The following ADAMTSL1 variants were observed in gnomAD, a reference collection of about 807,000 sequenced individuals.
ADAMTSL1 encodes the protein ADAMTS-like protein 1.
ADAMTSL1 carries 126 observed loss-of-function variants against 201.8 expected under a neutral mutation model. That is an observed-to-expected ratio of 0.62 (90% CI 0.54 to 0.72). The LOEUF (loss-of-function observed/expected upper bound fraction) is 0.72, where lower values mean the gene tolerates loss of function less well. ADAMTSL1 is among the 30% of genes least tolerant of loss of function. The probability of loss-of-function intolerance (pLI) is 0.00; values close to 1 mark genes in which losing one functional copy is unlikely to be tolerated. For synonymous variants in ADAMTSL1, 1,121 were observed against 903.4 expected (o/e 1.24, Z -4.32); for missense variants, 2,679 against 2,277.8 (o/e 1.18, Z -3.59).
chr9:17,980,387 T>A (rs1818639010), intron 1 of ADAMTSL1, among the ~76,000 whole-genome samples: 1 of 152,190 alleles, frequency 6.6e-6, no homozygotes. Flanking sequence ...TTGGTCTGTT[T>A]TTTTTTCTTT....
rs1328821845 is a variant in ADAMTSL1, at chr9:18,030,063, T to C, written c.87+123141T>C. Among the ~76,000 whole-genome samples, 8 of 152,098 alleles carry C rather than the reference T, an allele frequency of 5.3e-5. No individual in the cohort carries two copies. The East Asian group carries it at 5.8e-4, about 11-fold the overall frequency. On this transcript the variant is annotated intron_variant, in intron 1 of 29. Coordinates refer to the ADAMTSL1 transcript ENST00000680146. ...CATTACTGGGTATATACCCAAAGGATTATAAATCCTGCTGCTATAAAGACA... is the reference window on the plus strand; with the variant it reads ...CATTACTGGGTATATACCCAAAGGACTATAAATCCTGCTGCTATAAAGACA...
chr9:18,594,151 C>T (rs1277191897), intron 4 of ADAMTSL1, among the ~76,000 whole-genome samples: 3 of 151,992 alleles, frequency 2.0e-5, no homozygotes, highest in Non-Finnish European at 2.9e-5. Context: ...TTTTTGTTGA[C>T]ATTTTTTTTT....
chr9:18,586,466 A>G (rs569289634), intron 4 of ADAMTSL1, among the ~76,000 whole-genome samples: 2 of 152,330 alleles, frequency 1.3e-5, no homozygotes, highest in South Asian at 2.1e-4. Context: ...ATGAAAAAAC[A>G]TTCCATGCTC....
intron 2 of ADAMTSL1, among the ~76,000 whole-genome samples, chr9:18,421,269 G>A (rs888850022): frequency 6.6e-6 from 1 of 152,066 alleles, no homozygotes; most frequent in Non-Finnish European, 1.5e-5. Context: ...ATATAGTATT[G>A]CATTTGAGTA....
chr9:18,184,952 C>T (rs1828666905), intron 2 of ADAMTSL1, among the ~76,000 whole-genome samples: 1 of 152,152 alleles, frequency 6.6e-6, no homozygotes, highest in Admixed American at 6.6e-5. Flanking sequence ...GCATTTCATA[C>T]TAAGCAGGTT....
intron 1 of ADAMTSL1, among the ~76,000 whole-genome samples, chr9:18,083,834 T>C (rs1353349259): frequency 3.3e-5 from 5 of 152,208 alleles, no homozygotes; most frequent in Admixed American, 2.6e-4. Context: ...TTGCTCTAGC[T>C]CTAAACATTA....
At chr9:18,078,629 A>G (rs1823333912) in intron 1 of ADAMTSL1, among the ~76,000 whole-genome samples, 1 of 152,056 alleles carries the variant, frequency 6.6e-6, no homozygotes. Flanking sequence ...CTTTCTCGTG[A>G]GTATTTTTGT....
rs761035900 is a variant in ADAMTSL1, at chr9:18,889,664, C to A, written c.4559C>A (p.Thr1520Lys). The change falls in exon 25 of 29, where the codon ACG becomes AAG. Residue 1520 changes from threonine to lysine, a missense_variant. By Grantham distance (78) the Thr-to-Lys change is moderately conservative. Coordinates refer to ENST00000380548, the MANE Select transcript of ADAMTSL1 (RefSeq NM_001040272.6). ...CGCTTGAGGTGCCTGCTGAACAGCA[C>A]GGAGGTCAACCCTGCCCACTGCGCA... ...QPRLRCLLNSTEVNPAHCAGK... is the reference protein window; with the variant it reads ...QPRLRCLLNSKEVNPAHCAGK... The A allele has an allele frequency of 9.3e-6, 15 of 1,610,620 alleles. No individual in the cohort carries two copies. The South Asian group carries it at 1.7e-4, about 18-fold the overall frequency.
At chr9:18,688,204 A>G (rs1245815736) in intron 13 of ADAMTSL1, among the ~76,000 whole-genome samples, 1 of 151,126 alleles carries the variant, frequency 6.6e-6, no homozygotes, top group African/African-American at 2.4e-5. Flanking sequence ...GCTCACTGCA[A>G]TCTCTACCTC....
chr9:18,852,439 G>C (rs559400091), intron 23 of ADAMTSL1, among the ~76,000 whole-genome samples: 76 of 152,224 alleles, frequency 5.0e-4, no homozygotes, highest in African/African-American at 1.6e-3. Flanking sequence ...GGAAAAATCA[G>C]GAAAGTTAAG....
chr9:18,514,273 T>G (rs1018284591), intron 2 of ADAMTSL1, among the ~76,000 whole-genome samples: 3 of 152,182 alleles, frequency 2.0e-5, no homozygotes, highest in African/African-American at 7.2e-5. Context: ...TTCTCTTAAT[T>G]TCTTTTGTGG....
rs528434566 is a variant in ADAMTSL1, at chr9:18,668,526, G to A, written c.1085+6453G>A. Reference sequence around the variant, plus strand: ...TTTAATTGGCCTGTGAGTTAATAGAGTAGGTATTATTTCCATCCTTATTTT... The same window carrying A: ...TTTAATTGGCCTGTGAGTTAATAGAATAGGTATTATTTCCATCCTTATTTT... On this transcript the variant is annotated intron_variant, in intron 9 of 28. Coordinates refer to ENST00000380548, the MANE Select transcript of ADAMTSL1 (RefSeq NM_001040272.6). Among the ~76,000 whole-genome samples, 3 of 152,276 alleles carry A rather than the reference G, an allele frequency of 2.0e-5. No homozygotes were observed. The East Asian group carries it at 5.8e-4, about 29-fold the overall frequency.
intron 23 of ADAMTSL1, among the ~76,000 whole-genome samples, chr9:18,860,546 C>T (rs947248595): frequency 4.6e-5 from 7 of 151,708 alleles, no homozygotes; most frequent in African/African-American, 1.5e-4. Flanking sequence ...CTCTGGCCTT[C>T]TTACCAACAA....
chr9:18,707,286 C>T (rs1832286760), intron 14 of ADAMTSL1, among the ~76,000 whole-genome samples: 1 of 152,216 alleles, frequency 6.6e-6, no homozygotes, highest in African/African-American at 2.4e-5. Flanking sequence ...CTTTGGCTTT[C>T]AGTTGTCATT....
intron 2 of ADAMTSL1, among the ~76,000 whole-genome samples, chr9:18,505,806 A>C (rs944074156): frequency 1.3e-5 from 2 of 152,238 alleles, no homozygotes; most frequent in African/African-American, 4.8e-5. Context: ...AGAATTCTAG[A>C]CATTTCATAA....
intron 2 of ADAMTSL1, among the ~76,000 whole-genome samples, chr9:18,180,895 G>C (rs889366781): frequency 6.6e-6 from 1 of 152,140 alleles, no homozygotes; most frequent in African/African-American, 2.4e-5. Context: ...ATACTACAAG[G>C]CTACAGTAAC....
chr9:18,625,941 G>A (rs151014914), intron 5 of ADAMTSL1, among the ~76,000 whole-genome samples: 1 of 152,272 alleles, frequency 6.6e-6, no homozygotes, highest in East Asian at 1.9e-4. Flanking sequence ...TAATGGCTAT[G>A]GGTAAACATA....
intron 1 of ADAMTSL1, among the ~76,000 whole-genome samples, chr9:17,908,431 A>C (rs565219850): frequency 6.6e-6 from 1 of 151,850 alleles, no homozygotes. Context: ...TTAAAACCCA[A>C]TGTGCAAAAA....
At chr9:18,853,918 T>TGTGTGTGTGTGTGTGTGTGTGTGC (rs139332733) in intron 23 of ADAMTSL1, among the ~76,000 whole-genome samples, 56 of 145,478 alleles carry the variant, frequency 3.8e-4, no homozygotes, top group African/African-American at 1.2e-3. Context: ...TGTGTGTGTG[T>TGTGTGTGTGTGTGTGTGTGTGTGC]GCGCGTGCAT....
Sources: allele counts gnomAD v4.1 joint callset (sites outside exome capture counted in the v4.1 genomes callset), GRCh38; gene constraint gnomAD v4.1.1; transcripts MANE v1.5; gene names NCBI Gene and HGNC (gene_info 2026-07-23, HGNC 2026-07-21).